CAMTA1: variants seen among roughly 807,000 people sequenced by gnomAD.
CAMTA1 encodes the protein calmodulin binding transcription activator 1, also known as calmodulin-binding transcription activator 1.
CAMTA1 carries 27 observed loss-of-function variants against 170.9 expected under a neutral mutation model. That is an observed-to-expected ratio of 0.16 (90% CI 0.12 to 0.22). The LOEUF (loss-of-function observed/expected upper bound fraction) is 0.22. Ranked by LOEUF, CAMTA1 falls within the 10% of genes least tolerant of loss-of-function variation. CAMTA1 has a pLI of 1.00. For synonymous variants in CAMTA1, 833 were observed against 891.5 expected, an observed-to-expected ratio of 0.93 and a Z score of 1.17; for missense variants, 1,619 against 2,217.2, an observed-to-expected ratio of 0.73 and a Z score of 5.42.
chr1:7,470,513 C>T (rs991300889), intron 6 of CAMTA1, among the ~76,000 whole-genome samples: 3 of 152,154 alleles, frequency 2.0e-5, no homozygotes, highest in Non-Finnish European at 2.9e-5. Flanking sequence ...GGGCAGTGCC[C>T]ATGTTGGGAG....
intron 4 of CAMTA1, among the ~76,000 whole-genome samples, chr1:7,181,147 T>A (rs1652070808): frequency 6.6e-6 from 1 of 152,192 alleles, no homozygotes; most frequent in South Asian, 2.1e-4. Context: ...AGGAAAAACA[T>A]AATGATTATC....
chr1:7,680,918 C>T lies in CAMTA1; in HGVS notation c.2914+3185C>T, dbSNP rs114806335. ...GAAGTCTTTGTCCCCGCGGCGCAGC[C>T]TTTGTCCCCGCGGCGTAGCTTTTGT... On this transcript the variant is annotated intron_variant, in intron 11 of 22. Transcript: ENST00000303635. The surrounding 1 kb of genome is among the most constrained non-coding windows in gnomAD (Gnocchi z 4.4). 0.015 allele frequency among the ~76,000 whole-genome samples: 2,100 copies of T among 143,584 alleles called. 44 individuals are homozygous for T. Among genetic ancestry groups the T allele is most frequent in the African/African-American group, 0.05 (1,973 of 39,556 alleles). 94.2% of individuals were successfully genotyped at this position (143,584 alleles called of 152,430 possible).
intron 6 of CAMTA1, among the ~76,000 whole-genome samples, chr1:7,548,593 C>T (rs1231194921): frequency 6.7e-6 from 1 of 149,326 alleles, no homozygotes; most frequent in Non-Finnish European, 1.5e-5. Flanking sequence ...AGGGTGTCCC[C>T]TTAGGGGTGG....
Position 7,751,446 on chromosome 1 carries a change from C to T in CAMTA1, c.4883+54C>T, listed in dbSNP as rs186698171. The stretch of plus-strand genomic sequence containing the variant: ...AGCTCCCTAGGGAAGAGAACTCTGA[C>T]TTCTTTGAAAGACTTGTCCTGGGCT... On this transcript the variant is annotated intron_variant, in intron 20 of 22. Transcript: ENST00000303635. 2.0e-3 allele frequency: 2,868 copies of T among 1,459,782 alleles called. 10 individuals are homozygous for T. Among genetic ancestry groups the T allele is most frequent in the Admixed American group, 2.6e-3 (109 of 41,862 alleles). 90.4% of individuals were successfully genotyped at this position (1,459,782 alleles called of 1,614,324 possible). A position where few individuals can be genotyped will look rare whatever the true frequency, so the allele number is the denominator to read the frequency against.
chr1:6,962,421 C>T (rs1015551293), intron 3 of CAMTA1, among the ~76,000 whole-genome samples: 1 of 141,800 alleles, frequency 7.1e-6, no homozygotes, highest in African/African-American at 2.6e-5. Flanking sequence ...TTGGCCTCTT[C>T]CCCGGGCCCA....
intron 7 of CAMTA1, among the ~76,000 whole-genome samples, chr1:7,645,628 A>C (rs1312716270): frequency 6.6e-6 from 1 of 152,240 alleles, no homozygotes; most frequent in Non-Finnish European, 1.5e-5. Flanking sequence ...GAAGGCCCGG[A>C]AATCAGCAGG....
intron 6 of CAMTA1, among the ~76,000 whole-genome samples, chr1:7,529,317 T>C (rs1330629635): frequency 6.6e-6 from 1 of 151,914 alleles, no homozygotes; most frequent in Non-Finnish European, 1.5e-5. Context: ...ATGGGCTGGG[T>C]CTGCATCTCT....
At chr1:7,088,500 A>G (rs1238736125) in intron 3 of CAMTA1, among the ~76,000 whole-genome samples, 3 of 152,202 alleles carry the variant, frequency 2.0e-5, no homozygotes, top group Non-Finnish European at 4.4e-5. Context: ...CCTTTCTGGT[A>G]TACAGTAGAT....
At chr1:7,494,981 T>C (rs2093803179) in intron 6 of CAMTA1, among the ~76,000 whole-genome samples, 1 of 151,994 alleles carries the variant, frequency 6.6e-6, no homozygotes, top group Non-Finnish European at 1.5e-5. Context: ...CCCGAGACTG[T>C]GGGTGAGTGG....
At chr1:6,933,059 G>A (rs898784461) in intron 3 of CAMTA1, among the ~76,000 whole-genome samples, 4 of 151,268 alleles carry the variant, frequency 2.6e-5, no homozygotes, top group African/African-American at 9.7e-5. Flanking sequence ...TTGTATCTAA[G>A]CAATCATCAT....
At chr1:7,289,449 G>T (rs1672802196) in intron 5 of CAMTA1, among the ~76,000 whole-genome samples, 1 of 152,144 alleles carries the variant, frequency 6.6e-6, no homozygotes, top group South Asian at 2.1e-4. Flanking sequence ...CCTGTCCTCG[G>T]AGGCAGGTGA....
chr1:7,385,220 G>A (rs1186790853), intron 5 of CAMTA1, among the ~76,000 whole-genome samples: 1 of 151,588 alleles, frequency 6.6e-6, no homozygotes, highest in Non-Finnish European at 1.5e-5. Context: ...CTCCTGAGTA[G>A]CAGGGACTAC....
Position 7,740,834 on chromosome 1 carries a change from A to G in CAMTA1, c.4182+2352A>G, listed in dbSNP as rs530180502. Among the ~76,000 whole-genome samples the G allele has an allele frequency of 9.1e-4, 138 of 152,370 alleles. 1 individual carries two copies. Among genetic ancestry groups the G allele is most frequent in the African/African-American group, 3.1e-3 (129 of 41,586 alleles). On this transcript the variant is annotated intron_variant, in intron 16 of 22. Transcript: ENST00000303635. ...ATAGAAAATAACCTTTAAAAAATCC[A>G]CTTCCTATTTTCACAGATCTGTTAG...
chr1:7,271,618 T>A (rs1338233872), intron 5 of CAMTA1, among the ~76,000 whole-genome samples: 1 of 115,022 alleles, frequency 8.7e-6, no homozygotes, highest in African/African-American at 3.2e-5. Flanking sequence ...ATAGATACAA[T>A]ACCCCCAAAA....
At chr1:6,880,383 G>GTT (rs34745856) in intron 3 of CAMTA1, among the ~76,000 whole-genome samples, 3,294 of 66,978 alleles carry the variant, frequency 0.049, 139 homozygotes, top group Non-Finnish European at 0.052. Flanking sequence ...CTCTAAAAGT[G>GTT]TTTTTTTTTT....
chr1:7,415,873 G>C (rs893462456), intron 5 of CAMTA1, among the ~76,000 whole-genome samples: 68 of 152,166 alleles, frequency 4.5e-4, no homozygotes, highest in African/African-American at 1.6e-3. Flanking sequence ...TTTACAATTT[G>C]GCATGTTTTT....
chr1:7,594,805 CAGAA>C (rs1473822778), intron 6 of CAMTA1, among the ~76,000 whole-genome samples: 1 of 152,214 alleles, frequency 6.6e-6, no homozygotes, highest in Non-Finnish European at 1.5e-5. Context: ...TTCTTGTCCT[CAGAA>C]AGGGAGGCCC....
intron 10 of CAMTA1, among the ~76,000 whole-genome samples, chr1:7,671,480 C>G (rs1030186551): frequency 3.3e-5 from 5 of 152,198 alleles, no homozygotes. Context: ...CCAGGAGAGC[C>G]CAGGCAATGC....
intron 3 of CAMTA1, among the ~76,000 whole-genome samples, chr1:6,989,886 G>A (rs527255560): frequency 2.0e-5 from 3 of 152,300 alleles, no homozygotes; most frequent in Admixed American, 2.0e-4. Flanking sequence ...TGAGTCCTGG[G>A]CTGGAGGAAT....
Sources: allele counts gnomAD v4.1 joint callset (sites outside exome capture counted in the v4.1 genomes callset), GRCh38; gene constraint gnomAD v4.1.1; non-coding constraint Gnocchi (gnomAD v3.1); transcripts MANE v1.5; gene names NCBI Gene and HGNC (gene_info 2026-07-23, HGNC 2026-07-21).